ASB7: variants seen among roughly 807,000 people sequenced by gnomAD.
ASB7 encodes the protein ankyrin repeat and SOCS box containing 7, also known as ankyrin repeat and SOCS box protein 7.
A neutral mutation model predicts 32.5 loss-of-function variants in ASB7; 4 were observed. The ratio of observed to expected loss-of-function variants is 0.12; its 90% CI spans 0.06 to 0.28. ASB7 has a LOEUF of 0.28. Among genes scored for constraint, ASB7 ranks in the 10% least tolerant of loss-of-function variants. The probability of loss-of-function intolerance (pLI) is 1.00; values close to 1 mark genes in which losing one functional copy is unlikely to be tolerated. For synonymous variants in ASB7, 172 were observed against 155.6 expected (o/e 1.11, Z -0.78); for missense variants, 181 against 407.1 (o/e 0.44, Z 4.78).
At chr15:100,603,622 C>T (rs202205711) in intron 2 of ASB7, among the ~76,000 whole-genome samples, 1 of 152,214 alleles carries the variant, frequency 6.6e-6, no homozygotes, top group African/African-American at 2.4e-5. Context: ...TAGCTACCCT[C>T]CCTTCCTTAC....
chr15:100,635,928 C>T (rs1177436742), intron 5 of ASB7, among the ~76,000 whole-genome samples: 2 of 152,162 alleles, frequency 1.3e-5, no homozygotes, highest in Non-Finnish European at 2.9e-5. Flanking sequence ...GGGTGCATTT[C>T]ACAAGGGTTA....
chr15:100,643,888 T>C (rs1412727918), intron 5 of ASB7, among the ~76,000 whole-genome samples: 13 of 152,232 alleles, frequency 8.5e-5, no homozygotes, highest in Admixed American at 5.9e-4. Context: ...TATGCCTGTA[T>C]ACACATACGT....
chr15:100,646,154 A>G (rs574779749), intron 5 of ASB7: 79 of 414,242 alleles, frequency 1.9e-4, no homozygotes, highest in African/African-American at 1.4e-3. Flanking sequence ...TTCCACTCCC[A>G]TAAGAGAATA....
chr15:100,602,753 G>T lies in ASB7; in HGVS notation c.-566G>T. The T allele has an allele frequency of 2.6e-6, 1 of 382,454 alleles. No homozygotes were observed. The highest frequency in any genetic ancestry group is 4.6e-6 in the Non-Finnish European group (1 of 216,374). 23.7% of individuals were successfully genotyped at this position (382,454 alleles called of 1,614,324 possible). A position where few individuals can be genotyped will look rare whatever the true frequency, so the allele number is the denominator to read the frequency against. Reference sequence around the variant, plus strand: ...GGTCCCTCCGTAGCTGGAAGCCTCCGGCCCGGAGCGCGGCAGCCCCCTGCT... The same window carrying T: ...GGTCCCTCCGTAGCTGGAAGCCTCCTGCCCGGAGCGCGGCAGCCCCCTGCT... On this transcript the variant is annotated 5_prime_UTR_variant, in exon 1 of 6. Coordinates refer to ENST00000332783, the MANE Select transcript of ASB7 (RefSeq NM_198243.3).
At chr15:100,611,326 T>A (rs1312064258) in intron 3 of ASB7, among the ~76,000 whole-genome samples, 1 of 151,324 alleles carries the variant, frequency 6.6e-6, no homozygotes, top group African/African-American at 2.4e-5. Flanking sequence ...AGTGCTGGGA[T>A]TACAAACGTG....
chr15:100,642,629 C>G (rs2039969063), intron 5 of ASB7, among the ~76,000 whole-genome samples: 1 of 152,228 alleles, frequency 6.6e-6, no homozygotes, highest in African/African-American at 2.4e-5. Flanking sequence ...ACTCAGTTAT[C>G]TAATGCTGCA....
At chr15:100,622,639 C>G (rs139066096) in intron 4 of ASB7, among the ~76,000 whole-genome samples, 162 of 152,232 alleles carry the variant, frequency 1.1e-3, no homozygotes, top group Middle Eastern at 3.4e-3. Context: ...ATCCAGAAAT[C>G]TACGTATTTT....
chr15:100,626,991 T>G (rs2039844846), intron 4 of ASB7, among the ~76,000 whole-genome samples: 1 of 152,184 alleles, frequency 6.6e-6, no homozygotes, highest in South Asian at 2.1e-4. Context: ...ATGTTCTATA[T>G]TTTAAATAGG....
intron 5 of ASB7, among the ~76,000 whole-genome samples, chr15:100,634,940 G>T (rs1258952629): frequency 6.6e-6 from 1 of 152,198 alleles, no homozygotes; most frequent in African/African-American, 2.4e-5. Flanking sequence ...CCTGGAGAAT[G>T]CCCCCTGGAA....
intron 2 of ASB7, among the ~76,000 whole-genome samples, chr15:100,606,122 G>A (rs2039642548): frequency 6.6e-6 from 1 of 151,936 alleles, no homozygotes; most frequent in Admixed American, 6.6e-5. Context: ...CTCCGTTTTG[G>A]TACGGCCGTG....
chr15:100,609,540 A>G (rs533472104), intron 2 of ASB7, 167 bp from the exon 3 acceptor site: 1 of 152,232 alleles, frequency 6.6e-6, no homozygotes, highest in Non-Finnish European at 1.5e-5. Flanking sequence ...AGATGAACAT[A>G]TGTAACAAGA....
At chr15:100,632,525 C>G (rs1485062452) in intron 5 of ASB7, among the ~76,000 whole-genome samples, 1 of 152,156 alleles carries the variant, frequency 6.6e-6, no homozygotes, top group Non-Finnish European at 1.5e-5. Context: ...ACTGAGCTTT[C>G]TCATGAAAAG....
chr15:100,622,476 C>T (rs557322111), intron 4 of ASB7, among the ~76,000 whole-genome samples: 1 of 152,084 alleles, frequency 6.6e-6, no homozygotes, highest in South Asian at 2.1e-4. Context: ...CATATGGAAC[C>T]AAAAAAGAGC....
At chr15:100,619,616 C>G (rs1198351671) in intron 4 of ASB7, among the ~76,000 whole-genome samples, 1 of 152,196 alleles carries the variant, frequency 6.6e-6, no homozygotes, top group African/African-American at 2.4e-5. Context: ...GTGTCTAATA[C>G]CAGTCACTCA....
intron 5 of ASB7, chr15:100,645,968 T>G: frequency 1.9e-6 from 1 of 527,082 alleles, no homozygotes; most frequent in Non-Finnish European, 3.7e-6. Context: ...GTTTTCTGTT[T>G]CTTTCTTGGT....
intron 4 of ASB7, among the ~76,000 whole-genome samples, chr15:100,615,360 C>T (rs1353139229): frequency 6.6e-6 from 1 of 152,174 alleles, no homozygotes; most frequent in African/African-American, 2.4e-5. Context: ...GTTGGATATT[C>T]ATCAGCAAAG....
rs2039557307 is a variant in ASB7 at position 100,602,684 on chromosome 15, C to G, written c.-635C>G. ...TCCGGAGACCCCACGGCTGGCACTT[C>G]GGGCCCCGTATGACCTGGGACCTCG... On this transcript the variant is annotated 5_prime_UTR_variant, in exon 1 of 6. Transcript: ENST00000332783. 3.2e-6 allele frequency: 1 copy of G among 316,228 alleles called. No individual in the cohort carries two copies. The highest frequency in any genetic ancestry group is 5.0e-5 in the Admixed American group (1 of 20,052). 19.6% of individuals were successfully genotyped at this position (316,228 alleles called of 1,614,324 possible).
chr15:100,619,039 G>A (rs761532264), intron 4 of ASB7, among the ~76,000 whole-genome samples: 1 of 152,182 alleles, frequency 6.6e-6, no homozygotes, highest in Non-Finnish European at 1.5e-5. Flanking sequence ...TTGCCCCTAA[G>A]AAAACAAGGC....
chr15:100,638,483 C>G (rs145854209), intron 5 of ASB7: 2 of 152,028 alleles, frequency 1.3e-5, no homozygotes, highest in African/African-American at 2.4e-5. Flanking sequence ...GTGGTTCTCC[C>G]GGATACTCTG....
Sources: gnomAD v4.1 joint callset for allele counts (sites outside exome capture counted in the v4.1 genomes callset) on GRCh38, gnomAD v4.1.1 for gene constraint, MANE v1.5 for transcripts, NCBI Gene and HGNC (gene_info 2026-07-23, HGNC 2026-07-21) for gene names.